ZFHX3: variants seen among roughly 807,000 people sequenced by gnomAD.
The protein encoded by ZFHX3 is zinc finger homeobox 3.
Under a neutral mutation model 279.1 loss-of-function variants are expected in ZFHX3, and 42 were observed. The observed-to-expected ratio is 0.15, with a 90% CI of 0.12 to 0.19. The LOEUF is 0.19. ZFHX3 is among the 10% of genes least tolerant of loss of function. ZFHX3 has a pLI of 1.00. For missense variants in ZFHX3, 4,981 were observed against 4,754.0 expected, an observed-to-expected ratio of 1.05 and a Z score of -1.40; for synonymous variants, 2,293 against 1,957.8, an observed-to-expected ratio of 1.17 and a Z score of -4.52.
chr16:72,901,125 C>T lies in ZFHX3; in HGVS notation c.3217-11163G>A, dbSNP rs375281738. Among the ~76,000 whole-genome samples, 11 of 152,286 alleles carry T rather than the reference C, an allele frequency of 7.2e-5. No homozygotes were observed. The South Asian group carries it at 1.7e-3, about 23-fold the overall frequency. On this transcript the variant is annotated intron_variant, in intron 3 of 9. Transcript: ENST00000268489. Reference sequence around the variant, plus strand: ...ATCTTCCTCTCCCCTTTCACACCTGCACTCGAAAATTTCCCAGGGCTGTCG... The same window carrying T: ...ATCTTCCTCTCCCCTTTCACACCTGTACTCGAAAATTTCCCAGGGCTGTCG...
intron 3 of ZFHX3, among the ~76,000 whole-genome samples, chr16:72,940,113 T>C (rs567991290): frequency 4.9e-4 from 75 of 152,132 alleles, no homozygotes; most frequent in South Asian, 2.3e-3. Context: ...GGTCTGTTTA[T>C]GTTGCCCAGG....
Position 73,258,537 on chromosome 16 carries a change from GA to G in ZFHX3, c.-1193-1402del, listed in dbSNP as rs201403402. ...GCTAATTTTTTGTATTTTTAGTAGA[GA>G]AGAGGTTTCACATGTTAGCCAGGAT... is the stretch of plus-strand genomic sequence containing the variant. On this transcript the variant is annotated intron_variant, in intron 4 of 17. Coordinates refer to the ZFHX3 transcript ENST00000641206. 1.1e-3 allele frequency among the ~76,000 whole-genome samples: 169 copies of G among 152,024 alleles called. 2 individuals are homozygous for G. Among genetic ancestry groups the G allele is most frequent in the African/African-American group, 3.8e-3 (158 of 41,454 alleles).
At chr16:73,878,633 T>C (rs942821432) in intron 1 of ZFHX3, among the ~76,000 whole-genome samples, 4 of 152,106 alleles carry the variant, frequency 2.6e-5, no homozygotes, top group Admixed American at 6.5e-5. Flanking sequence ...TCTTTTTTTT[T>C]CTTTTTCTTA....
At chr16:73,813,238 TC>T (rs1960473223) in intron 1 of ZFHX3, among the ~76,000 whole-genome samples, 1 of 145,502 alleles carries the variant, frequency 6.9e-6, no homozygotes, top group African/African-American at 2.6e-5. Flanking sequence ...TTTCTCTCTC[TC>T]TCTCTCTCTC....
At chr16:72,827,667 C>A (rs1029306252) in intron 5 of ZFHX3, among the ~76,000 whole-genome samples, 4 of 152,218 alleles carry the variant, frequency 2.6e-5, no homozygotes, top group African/African-American at 9.6e-5. Context: ...CCAGGCAAAG[C>A]CCCACAGGAG....
rs114239273 is a variant in ZFHX3, at chr16:73,019,093, C to T, written c.-50+28659G>A. On this transcript the variant is annotated intron_variant, in intron 1 of 9. Coordinates refer to ENST00000268489, the MANE Select transcript of ZFHX3 (RefSeq NM_006885.4). ...AACAGCAAAACATCCGGCACCTTTT[C>T]ATCCTGGCTCAAGTCAAAAGAGTTG... 5.5e-3 allele frequency among the ~76,000 whole-genome samples: 838 copies of T among 152,338 alleles called. 5 individuals carry two copies. The highest frequency in any genetic ancestry group is 0.02 in the African/African-American group (816 of 41,578).
intron 2 of ZFHX3, among the ~76,000 whole-genome samples, chr16:73,610,470 T>A (rs1567532626): frequency 6.6e-6 from 1 of 152,180 alleles, no homozygotes; most frequent in Non-Finnish European, 1.5e-5. Flanking sequence ...CATACATTTC[T>A]TGCTCTGAAA....
chr16:73,730,856 C>T (rs890406131), intron 1 of ZFHX3, among the ~76,000 whole-genome samples: 1 of 151,982 alleles, frequency 6.6e-6, no homozygotes. Context: ...GAACTTCCAG[C>T]TCTACACAGC....
chr16:72,927,601 G>A (rs976067593), intron 3 of ZFHX3, among the ~76,000 whole-genome samples: 2 of 152,130 alleles, frequency 1.3e-5, no homozygotes, highest in Admixed American at 6.5e-5. Context: ...CCTTCCCAGC[G>A]GCCCGCGAGG....
chr16:73,459,402 G>T (rs150945922), intron 2 of ZFHX3, among the ~76,000 whole-genome samples: 1 of 151,880 alleles, frequency 6.6e-6, no homozygotes, highest in Admixed American at 6.6e-5. Flanking sequence ...TCATTATGTC[G>T]CCCAGGCTGA....
chr16:73,864,754 AT>A (rs1326423541), intron 1 of ZFHX3, among the ~76,000 whole-genome samples: 2 of 151,998 alleles, frequency 1.3e-5, no homozygotes, highest in Non-Finnish European at 2.9e-5. Flanking sequence ...AGAAAATAAA[AT>A]AGGTGGACTT....
intron 2 of ZFHX3, among the ~76,000 whole-genome samples, chr16:73,489,017 A>G (rs2019016956): frequency 6.6e-6 from 1 of 152,242 alleles, no homozygotes; most frequent in Non-Finnish European, 1.5e-5. Flanking sequence ...GATACATAGC[A>G]AACTCTTAAA....
chr16:72,884,419 A>G (rs991580283), intron 4 of ZFHX3, among the ~76,000 whole-genome samples: 13 of 152,200 alleles, frequency 8.5e-5, no homozygotes, highest in African/African-American at 2.4e-4. Context: ...ATTATTTCCA[A>G]TGCCTGAGCT....
chr16:72,970,256 C>A (rs1415676608), intron 1 of ZFHX3, among the ~76,000 whole-genome samples: 1 of 151,742 alleles, frequency 6.6e-6, no homozygotes, highest in Non-Finnish European at 1.5e-5. Context: ...AGAGTTCAAC[C>A]ACCATGAATC....
chr16:73,816,671 G>T (rs974305659), intron 1 of ZFHX3, among the ~76,000 whole-genome samples: 1 of 152,172 alleles, frequency 6.6e-6, no homozygotes, highest in African/African-American at 2.4e-5. Context: ...TCTCAGGCAG[G>T]GGTACGGACT....
At chr16:73,768,463 A>G (rs72803146) in intron 1 of ZFHX3, among the ~76,000 whole-genome samples, 15,130 of 152,234 alleles carry the variant, frequency 0.099, 865 homozygotes, top group African/African-American at 0.15. Context: ...TCTACAATGT[A>G]TTACTCTTAA....
At chr16:73,304,515 C>T (rs1382659875) in intron 4 of ZFHX3, among the ~76,000 whole-genome samples, 6 of 152,162 alleles carry the variant, frequency 3.9e-5, no homozygotes, top group Non-Finnish European at 8.8e-5. Flanking sequence ...AAGTATTAAT[C>T]TGCCCGGTCC....
intron 4 of ZFHX3, among the ~76,000 whole-genome samples, chr16:73,290,650 C>G (rs2014746360): frequency 6.6e-6 from 1 of 152,224 alleles, no homozygotes; most frequent in African/African-American, 2.4e-5. Flanking sequence ...GTTTCTTCTA[C>G]TATGCTACAT....
Position 72,798,004 on chromosome 16 carries a change from G to A in ZFHX3, c.4678C>T (p.Leu1560=), listed in dbSNP as rs2035974045. Residue 1560 remains leucine (L), a synonymous_variant, in exon 9 of 10, where the codon CTG becomes TTG. Coordinates refer to ENST00000268489, the MANE Select transcript of ZFHX3 (RefSeq NM_006885.4). The part of the protein sequence containing the change: ...CKESFTQKNI[L]LVHYNSVSHL... ...GAGACAGAATTGTAGTGTACTAGCA[G>A]GATATTCTTTTGAGTGAAAGATTCC... is the stretch of plus-strand genomic sequence containing the variant. 1 of 1,614,228 alleles carries A rather than the reference G, an allele frequency of 6.2e-7. No individual in the cohort carries two copies. Among genetic ancestry groups the A allele is most frequent in the Non-Finnish European group, 8.5e-7 (1 of 1,180,042 alleles).
Sources: gnomAD v4.1 joint callset for allele counts (sites outside exome capture counted in the v4.1 genomes callset) on GRCh38, gnomAD v4.1.1 for gene constraint, MANE v1.5 for transcripts, NCBI Gene and HGNC (gene_info 2026-07-23, HGNC 2026-07-21) for gene names.